Variants in TNKS observed in about 807,000 individuals in gnomAD.
TNKS encodes the protein tankyrase, also known as poly [ADP-ribose] polymerase tankyrase-1.
TNKS carries 72 observed loss-of-function variants against 135.8 expected under a neutral mutation model. The observed-to-expected ratio is 0.53, with a 90% CI of 0.44 to 0.64. TNKS has a LOEUF of 0.64. TNKS is among the 30% of genes least tolerant of loss of function. The probability of loss-of-function intolerance (pLI) is 0.00; values close to 1 mark genes in which losing one functional copy is unlikely to be tolerated. For missense variants in TNKS, 1,769 were observed against 1,674.0 expected, an observed-to-expected ratio of 1.06 and a Z score of -0.99; for synonymous variants, 849 against 649.3, an observed-to-expected ratio of 1.31 and a Z score of -4.68.
intron 11 of TNKS, among the ~76,000 whole-genome samples, chr8:9,716,546 G>T (rs548905231): frequency 3.3e-5 from 5 of 152,178 alleles, no homozygotes; most frequent in Non-Finnish European, 5.9e-5. Flanking sequence ...TGAGAAACCC[G>T]TATGGTTATC....
intron 12 of TNKS, among the ~76,000 whole-genome samples, chr8:9,724,338 A>G (rs866558313): frequency 6.6e-5 from 10 of 152,130 alleles, no homozygotes; most frequent in African/African-American, 2.2e-4. Flanking sequence ...CTATGGTCCC[A>G]ACTACTCAGG....
Position 9,751,820 on chromosome 8 carries a change from C to T in TNKS, c.3044C>T (p.Ala1015Val), listed in dbSNP as rs755838669. Residue 1015 changes from alanine to valine, a missense_variant, in exon 19 of 27, where the codon GCG becomes GTG. Ala to Val is a moderately conservative substitution (Grantham distance 64). Around this residue, in one of 5 missense-constraint regions of TNKS, gnomAD observed 722 missense variants for 688.9 expected, o/e 1.05. Transcript: ENST00000310430. ...GGASNAGDGA[A>V]GTERKEGEVA... is the part of the protein sequence containing the mutation. ...GCCTCCAATGCAGGGGATGGCGCCG[C>T]GGGAACAGAAAGGAAGGAAGGAGAA... 3.2e-5 allele frequency: 52 copies of T among 1,613,986 alleles called. No individual in the cohort carries two copies. The highest frequency in any genetic ancestry group is 1.1e-4 in the East Asian group (5 of 44,892).
At chr8:9,612,124 A>G (rs1193852315) in intron 2 of TNKS, among the ~76,000 whole-genome samples, 1 of 152,196 alleles carries the variant, frequency 6.6e-6, no homozygotes. Flanking sequence ...TTTAAAAGTC[A>G]TGAGAACTGA....
intron 2 of TNKS, among the ~76,000 whole-genome samples, chr8:9,585,300 A>G (rs1329077671): frequency 1.7e-4 from 26 of 152,156 alleles, no homozygotes; most frequent in Admixed American, 1.7e-3. Context: ...TAAATCTGGG[A>G]ACATCAACGT....
chr8:9,631,758 GTTGAT>G (rs1800297717), intron 3 of TNKS, among the ~76,000 whole-genome samples: 1 of 142,864 alleles, frequency 7.0e-6, no homozygotes, highest in South Asian at 2.3e-4. Context: ...GACATGGTTG[GTTGAT>G]TTTTTTTTTT....
chr8:9,569,495 A>G (rs1030985053), intron 1 of TNKS, among the ~76,000 whole-genome samples: 22 of 152,220 alleles, frequency 1.4e-4, no homozygotes, highest in African/African-American at 4.8e-4. Flanking sequence ...TGGGAGATTC[A>G]TCTATCTTAT....
At chr8:9,661,006 C>T (rs1338650578) in intron 3 of TNKS, among the ~76,000 whole-genome samples, 3 of 149,934 alleles carry the variant, frequency 2.0e-5, no homozygotes, top group African/African-American at 4.9e-5. Context: ...GAATAAAATA[C>T]CTAGGAATCC....
intron 3 of TNKS, among the ~76,000 whole-genome samples, chr8:9,674,145 C>G (rs1802429659): frequency 6.6e-6 from 1 of 152,050 alleles, no homozygotes; most frequent in Non-Finnish European, 1.5e-5. Context: ...TTAAAACCAT[C>G]TTAGAAAAAC....
chr8:9,770,318 A>G, intron 26 of TNKS, 56 bp downstream of exon 26: 1 of 1,542,984 alleles, frequency 6.5e-7, no homozygotes, highest in Non-Finnish European at 8.8e-7. Flanking sequence ...AATAGAGCAC[A>G]GAGACCGTGT....
chr8:9,717,997 G>T (rs1046399540), intron 11 of TNKS, among the ~76,000 whole-genome samples: 2 of 117,510 alleles, frequency 1.7e-5, no homozygotes, highest in Non-Finnish European at 3.6e-5. Flanking sequence ...GAAGTAAAGG[G>T]GTTTGTTTGT....
At chr8:9,763,451 G>A (rs1401051777) in intron 22 of TNKS, among the ~76,000 whole-genome samples, 1 of 152,050 alleles carries the variant, frequency 6.6e-6, no homozygotes, top group Non-Finnish European at 1.5e-5. Flanking sequence ...TCTAATGCAT[G>A]GGGCCCATCT....
At chr8:9,771,840 A>G (rs1261011260) in intron 26 of TNKS, among the ~76,000 whole-genome samples, 8 of 7,674 alleles carry the variant, frequency 1.0e-3, no homozygotes, top group Admixed American at 1.5e-3. Flanking sequence ...GCGGGGAGAG[A>G]GGGGAGGGAG....
chr8:9,635,301 A>G (rs912894750), intron 3 of TNKS, among the ~76,000 whole-genome samples: 1 of 152,248 alleles, frequency 6.6e-6, no homozygotes, highest in Non-Finnish European at 1.5e-5. Context: ...AAAGTGTATC[A>G]TAATAGTGAT....
intron 2 of TNKS, among the ~76,000 whole-genome samples, chr8:9,591,373 G>A (rs1197686865): frequency 6.6e-6 from 1 of 152,192 alleles, no homozygotes; most frequent in Non-Finnish European, 1.5e-5. Flanking sequence ...TTTGCAGTTT[G>A]TAGCTGTTAT....
intron 3 of TNKS, chr8:9,658,560 G>A (rs1801536165): frequency 6.1e-6 from 2 of 327,424 alleles, no homozygotes; most frequent in East Asian, 5.6e-5. Flanking sequence ...CACCAGGCCT[G>A]CCCTAAAAGA....
intron 25 of TNKS, among the ~76,000 whole-genome samples, chr8:9,767,884 A>G (rs1175633841): frequency 1.3e-5 from 2 of 150,180 alleles, no homozygotes; most frequent in East Asian, 2.0e-4. Flanking sequence ...GTGAGTACCC[A>G]GGAGGCGGAG....
intron 1 of TNKS, among the ~76,000 whole-genome samples, chr8:9,569,909 G>A (rs1797693892): frequency 6.6e-6 from 1 of 151,514 alleles, no homozygotes; most frequent in Non-Finnish European, 1.5e-5. Flanking sequence ...CTTAAAAAGT[G>A]TTTTTTTAAT....
chr8:9,746,947 A>G (rs915073047), intron 17 of TNKS, among the ~76,000 whole-genome samples: 2 of 141,460 alleles, frequency 1.4e-5, no homozygotes, highest in Admixed American at 7.5e-5. Context: ...CGGTGGTGCA[A>G]TCTCAGCTGA....
intron 2 of TNKS, among the ~76,000 whole-genome samples, chr8:9,592,303 T>A (rs1798617561): frequency 6.6e-6 from 1 of 152,236 alleles, no homozygotes; most frequent in Non-Finnish European, 1.5e-5. Context: ...GAACATTATC[T>A]GCTTTTCAAG....
Sources: gnomAD v4.1 joint callset for allele counts (sites outside exome capture counted in the v4.1 genomes callset) on GRCh38, gnomAD v4.1.1 for gene constraint, gnomAD v4.1.1 regional missense constraint, MANE v1.5 for transcripts, NCBI Gene and HGNC (gene_info 2026-07-23, HGNC 2026-07-21) for gene names.